Variants in PADI4 observed in about 807,000 individuals in gnomAD.
PADI4 encodes protein-arginine deiminase type-4.
In PADI4, 62 loss-of-function variants were observed where a neutral mutation model predicts 75.0. That is an observed-to-expected ratio of 0.83 (90% CI 0.67 to 1.02). PADI4 has a LOEUF of 1.02. Among genes scored for constraint, PADI4 ranks in the 50% least tolerant of loss-of-function variants. The probability of loss-of-function intolerance (pLI) is 0.00; values close to 1 mark genes in which losing one functional copy is unlikely to be tolerated. For missense variants in PADI4, 845 were observed against 850.5 expected, an observed-to-expected ratio of 0.99 and a Z score of 0.08; for synonymous variants, 361 against 348.1, an observed-to-expected ratio of 1.04 and a Z score of -0.41.
rs753207607 is a variant in PADI4 at position 17,356,380 on chromosome 1, C to A, written c.1479C>A (p.Ser493Arg). 3 of 1,611,960 alleles carry A rather than the reference C, an allele frequency of 1.9e-6. No homozygotes were observed. The highest frequency in any genetic ancestry group is 2.5e-6 in the Non-Finnish European group (3 of 1,178,834). Residue 493 changes from serine (S) to arginine (R), a missense_variant, in exon 13 of 16, where the codon AGC becomes AGA. Ser to Arg is a moderately radical substitution (Grantham distance 110, BLOSUM62 -1). Transcript: ENST00000375448. The surrounding 1 kb of genome is among the most constrained non-coding windows in gnomAD (Gnocchi z 4.1). ...AGGGCTTCCGGCTGCTCCTGGCCAG[C>A]CCCAGGTCCTGCTACAAACTGTTCC... ...DRKGFRLLLASPRSCYKLFQE... is the reference protein window; with the variant it reads ...DRKGFRLLLARPRSCYKLFQE...
Position 17,331,043 on chromosome 1 carries a change from C to G in PADI4, c.167C>G (p.Pro56Arg). The G allele has an allele frequency of 6.2e-7, 1 of 1,610,216 alleles. No individual in the cohort carries two copies. The highest frequency in any genetic ancestry group is 1.1e-5 in the South Asian group (1 of 90,416). Residue 56 changes from proline to arginine, a missense_variant, in exon 2 of 16, where the codon CCT (proline) becomes CGT (arginine). Coordinates refer to ENST00000375448, the MANE Select transcript of PADI4 (RefSeq NM_012387.3). ...GTGGTCGTGGATATTGCCCACGGCC[C>G]TCCAGCCAAGAAGAAATCCACAGGT... is the stretch of plus-strand genomic sequence containing the variant. ...PGVVVDIAHG[P>R]PAKKKSTGSS...
chr1:17,344,909 C>T lies in PADI4; in HGVS notation c.936-1119C>T, dbSNP rs567036722. 1.4e-4 allele frequency among the ~76,000 whole-genome samples: 22 copies of T among 152,322 alleles called. No individual in the cohort carries two copies. The South Asian group carries it at 1.7e-3, about 11-fold the overall frequency. ...ACACAGAGTCCCTACTGGGACACCA[C>T]GTAGTGGAGTTGTGAGAAGAGGGCC... On this transcript the variant is annotated intron_variant, in intron 8 of 15. Transcript: ENST00000375448.
At chr1:17,308,540 C>T (rs1245404166) in intron 1 of PADI4, among the ~76,000 whole-genome samples, 1 of 152,114 alleles carries the variant, frequency 6.6e-6, no homozygotes, top group East Asian at 1.9e-4. Flanking sequence ...CAGGAACACA[C>T]GACAGATAAA....
At chr1:17,363,414 C>A in intron 15 of PADI4, 108 bp from the exon 16 acceptor site, 2 of 735,478 alleles carry the variant, frequency 2.7e-6, no homozygotes, top group Admixed American at 2.2e-5. Context: ...TGAGCCACCA[C>A]CCCTGGAGGG....
chr1:17,312,426 C>T (rs112400311), intron 1 of PADI4, among the ~76,000 whole-genome samples: 1,648 of 145,162 alleles, frequency 0.011, 33 homozygotes, highest in African/African-American at 0.04. Flanking sequence ...CACCATTGCA[C>T]TCCAACCTGG....
intron 1 of PADI4, among the ~76,000 whole-genome samples, chr1:17,321,367 T>A (rs937854957): frequency 3.3e-5 from 5 of 152,206 alleles, no homozygotes; most frequent in African/African-American, 1.2e-4. Flanking sequence ...CCTCACTCTC[T>A]TTATGAAGCA....
chr1:17,318,750 A>G (rs1442595978), intron 1 of PADI4, among the ~76,000 whole-genome samples: 2 of 146,124 alleles, frequency 1.4e-5, no homozygotes, highest in Admixed American at 1.4e-4. Context: ...CAGTGGCGCG[A>G]TCTTGGCTCA....
intron 1 of PADI4, among the ~76,000 whole-genome samples, chr1:17,314,432 G>T (rs1163394411): frequency 6.6e-6 from 1 of 152,198 alleles, no homozygotes; most frequent in African/African-American, 2.4e-5. Flanking sequence ...ATAAATGGAG[G>T]CACCTGAGCA....
At chr1:17,355,125 G>C (rs1390386682) in intron 11 of PADI4, among the ~76,000 whole-genome samples, 4 of 152,096 alleles carry the variant, frequency 2.6e-5, no homozygotes, top group Non-Finnish European at 5.9e-5. Context: ...TTTGAACTGA[G>C]GCCTAATGAC....
intron 11 of PADI4, among the ~76,000 whole-genome samples, chr1:17,355,474 G>A (rs1268747206): frequency 2.6e-5 from 4 of 151,890 alleles, no homozygotes; most frequent in South Asian, 2.1e-4. Flanking sequence ...GCTTGATCCC[G>A]GGAGGCGGAG....
At chr1:17,319,913 G>T (rs1432221193) in intron 1 of PADI4, among the ~76,000 whole-genome samples, 1 of 152,134 alleles carries the variant, frequency 6.6e-6, no homozygotes, top group Non-Finnish European at 1.5e-5. Flanking sequence ...TACTATGTAC[G>T]AAAAAACCTT....
rs33981382 is a variant in PADI4, at chr1:17,342,393, A to G, written c.926A>G (p.Tyr309Cys). The change falls in exon 8 of 16, where the codon TAC becomes TGC. Residue 309 changes from tyrosine to cysteine, a missense_variant. Coordinates refer to ENST00000375448, the MANE Select transcript of PADI4 (RefSeq NM_012387.3). Reference sequence around the variant, plus strand: ...AACACCCAGCCCCCGCAGGAGGTGTACGCGTGCAGGTGAGAGGTCCTGGGG... The same window carrying G: ...AACACCCAGCCCCCGCAGGAGGTGTGCGCGTGCAGGTGAGAGGTCCTGGGG... ...TPNTQPPQEV[Y>C]ACSIFENEDF... is the part of the protein sequence containing the mutation. 9.2e-3 allele frequency: 14,830 copies of G among 1,610,026 alleles called. 92 individuals carry two copies. The highest frequency in any genetic ancestry group is 0.02 in the Middle Eastern group (121 of 6,044).
Position 17,325,226 on chromosome 1 carries a change from A to T in PADI4, c.93-5743A>T, listed in dbSNP as rs191617054. On this transcript the variant is annotated intron_variant, in intron 1 of 15. Coordinates refer to ENST00000375448, the MANE Select transcript of PADI4 (RefSeq NM_012387.3). ...GCAACAAGGCTTCCTAACCATATAC[A>T]TAGTATTTCTATTTATTTGGATCTT... Among the ~76,000 whole-genome samples the T allele has an allele frequency of 1.8e-3, 268 of 152,312 alleles. 2 individuals are homozygous for T. The highest frequency in any genetic ancestry group is 5.7e-3 in the African/African-American group (235 of 41,580).
chr1:17,336,297 G>T, intron 4 of PADI4, 71 bp downstream of exon 4: 1 of 1,060,546 alleles, frequency 9.4e-7, no homozygotes. Flanking sequence ...GTGGTGATGG[G>T]GCAAATGCTG....
At chr1:17,359,474 T>C in intron 15 of PADI4, 66 bp downstream of exon 15, 5 of 1,606,222 alleles carry the variant, frequency 3.1e-6, no homozygotes, top group Non-Finnish European at 4.3e-6. Flanking sequence ...GAGAGGCCAG[T>C]GGGGCACCCG....
In PADI4 at chr1:17,346,660, A is replaced by T. The variant is rs1346414097; in HGVS notation, c.1047+521A>T. ...TTCCGTGCCACTCCCCCATCATGCCAGGAGTGCCCCAAGGACTGAGACTGG... is the reference window on the plus strand; with the variant it reads ...TTCCGTGCCACTCCCCCATCATGCCTGGAGTGCCCCAAGGACTGAGACTGG... On this transcript the variant is annotated intron_variant, in intron 9 of 15. Coordinates refer to ENST00000375448, the MANE Select transcript of PADI4 (RefSeq NM_012387.3). This position sits in a 1 kb window ranked among gnomAD's most constrained non-coding sequence, Gnocchi z 4.3. Among the ~76,000 whole-genome samples, 5 of 152,006 alleles carry T rather than the reference A, an allele frequency of 3.3e-5. No individual in the cohort carries two copies. Among genetic ancestry groups the T allele is most frequent in the Non-Finnish European group, 7.4e-5 (5 of 67,984 alleles).
At chr1:17,316,213 G>A (rs2073930399) in intron 1 of PADI4, among the ~76,000 whole-genome samples, 1 of 151,832 alleles carries the variant, frequency 6.6e-6, no homozygotes, top group African/African-American at 2.4e-5. Flanking sequence ...GGTCAACATG[G>A]CGAAACCCCG....
In PADI4 at chr1:17,338,127, C is replaced by A; in HGVS notation, c.498C>A (p.Cys166Ter). 1 of 1,611,552 alleles carries A rather than the reference C, an allele frequency of 6.2e-7. No individual in the cohort carries two copies. Among genetic ancestry groups the A allele is most frequent in the Non-Finnish European group, 8.5e-7 (1 of 1,178,002 alleles). ...RDNLESSAMD[C>*]EDDEVLDSED... ...ATCTCGAATCTTCTGCCATGGACTG[C>A]GAGGATGATGAAGTGCTTGACAGCG... The change falls in exon 5 of 16, where the codon TGC becomes TGA. Residue 166 changes from cysteine (C) to a stop codon, truncating the protein, a stop_gained. Transcript: ENST00000375448. LOFTEE classifies it high-confidence loss of function.
intron 1 of PADI4, among the ~76,000 whole-genome samples, chr1:17,312,374 C>G (rs2073851774): frequency 6.7e-6 from 1 of 149,820 alleles, no homozygotes; most frequent in Non-Finnish European, 1.5e-5. Context: ...GCAAGAGAAT[C>G]ACTTGAACCC....
Sources: gnomAD v4.1 joint callset for allele counts (sites outside exome capture counted in the v4.1 genomes callset) on GRCh38, gnomAD v4.1.1 for gene constraint, Gnocchi (gnomAD v3.1) non-coding constraint, MANE v1.5 for transcripts, NCBI Gene and HGNC (gene_info 2026-07-23, HGNC 2026-07-21) for gene names.